The following HPD variants were observed in gnomAD, a reference collection of about 807,000 sequenced individuals.
The protein encoded by HPD is 4-hydroxyphenylpyruvic acid oxidase.
In HPD, 35 loss-of-function variants were observed where a neutral mutation model predicts 56.9. The ratio of observed to expected loss-of-function variants is 0.62; its 90% CI spans 0.47 to 0.82. The LOEUF is 0.82. Ranked by LOEUF, HPD falls within the 40% of genes least tolerant of loss-of-function variation. The pLI is 0.00. For synonymous variants in HPD, 186 were observed against 200.2 expected (o/e 0.93, Z 0.60); for missense variants, 442 against 506.8 (o/e 0.87, Z 1.23).
At chr12:121,888,595 T>C in the HPD span, 2 of 484,440 alleles carry the variant, frequency 4.1e-6, no homozygotes, top group Non-Finnish European at 7.6e-6. Flanking sequence ...TCCCCTAGCG[T>C]TGGTGTGCAA....
the HPD span, among the ~76,000 whole-genome samples, chr12:121,874,795 CT>C: frequency 6.7e-6 from 1 of 149,338 alleles, no homozygotes; most frequent in African/African-American, 2.5e-5. Context: ...TAGTTTCGCT[CT>C]TGTTACCCAG....
chr12:121,843,577 C>A (rs543401760), intron 12 of HPD, 133 bp downstream of exon 12: 193 of 987,018 alleles, frequency 2.0e-4, no homozygotes, highest in Middle Eastern at 3.0e-4. Flanking sequence ...CCCACATAGA[C>A]CCTAGAATAA....
intron 12 of HPD, among the ~76,000 whole-genome samples, chr12:121,842,105 G>A (rs1047703375): frequency 2.0e-5 from 3 of 151,962 alleles, no homozygotes; most frequent in African/African-American, 4.8e-5. Context: ...GGAGGTGCTG[G>A]CTAAGAGGCT....
At chr12:121,874,825 G>A in the HPD span, among the ~76,000 whole-genome samples, 3 of 150,446 alleles carry the variant, frequency 2.0e-5, no homozygotes, top group African/African-American at 7.3e-5. Flanking sequence ...GCAATGGCAC[G>A]ATCTCTGCCC....
chr12:121,843,821 C>T lies in HPD; in HGVS notation c.843G>A (p.Leu281=), dbSNP rs1375597352. The part of the protein sequence containing the change: ...TEDIITAIRH[L]RERGLEFLSV... ...ATAAGAACTCCAGGCCTCTCTCTCT[C>T]AAGTGGCGAATCTGTTTCAGAGCAA... The change falls in exon 12 of 14, where the codon TTG becomes TTA. Residue 281 remains leucine (L), a synonymous_variant. Coordinates refer to ENST00000289004, the MANE Select transcript of HPD (RefSeq NM_002150.3). 3 of 1,613,980 alleles carry T rather than the reference C, an allele frequency of 1.9e-6. No homozygotes were observed. In the Admixed American group the frequency reaches 5.0e-5, roughly 27 times the overall value.
Position 121,856,346 on chromosome 12 carries a change from T to C in HPD, c.302A>G (p.Glu101Gly). ...DGVKDIAFEV[E>G]DCDYIVQKAR... ...TACCTGCACGATGTAGTCACAATCT[T>C]CCACCTCGAACGCAATGTCCTTCAC... Residue 101 changes from glutamate (E) to glycine (G), a missense_variant, in exon 6 of 14, where the codon GAA becomes GGA. By Grantham distance (98) the Glu-to-Gly change is moderately conservative. Transcript: ENST00000289004. 6.2e-7 allele frequency: 1 copy of C among 1,614,068 alleles called. No homozygotes were observed. The highest frequency in any genetic ancestry group is 8.5e-7 in the Non-Finnish European group (1 of 1,179,946).
upstream of HPD, among the ~76,000 whole-genome samples, chr12:121,861,599 G>A (rs1435753434): frequency 6.6e-6 from 1 of 151,932 alleles, no homozygotes; most frequent in Non-Finnish European, 1.5e-5. Context: ...TACAGCTTCT[G>A]GAAAAAAACA....
chr12:121,877,025 C>T, the HPD span, among the ~76,000 whole-genome samples: 4 of 146,154 alleles, frequency 2.7e-5, no homozygotes, highest in Non-Finnish European at 3.0e-5. Context: ...ACCCAGGAGG[C>T]GGAGGTTGCA....
intron 11 of HPD, 40 bp downstream of exon 11, chr12:121,846,822 T>C (rs369428110): frequency 1.9e-6 from 3 of 1,598,076 alleles, no homozygotes; most frequent in Non-Finnish European, 2.6e-6. Flanking sequence ...TCCCTGGCTC[T>C]GAATGAGAGA....
chr12:121,848,752 C>A (rs1877665587), intron 9 of HPD, among the ~76,000 whole-genome samples: 1 of 152,058 alleles, frequency 6.6e-6, no homozygotes, highest in South Asian at 2.1e-4. Context: ...ATTACAGGGG[C>A]CCAACACCTC....
intron 9 of HPD, among the ~76,000 whole-genome samples, chr12:121,848,437 A>G (rs1566570238): frequency 6.6e-6 from 1 of 151,756 alleles, no homozygotes; most frequent in African/African-American, 2.4e-5. Context: ...TCAGCTTCCC[A>G]AGTAGCTGGG....
At chr12:121,851,349 TTTTA>T (rs1470578464) in intron 7 of HPD, among the ~76,000 whole-genome samples, 2 of 146,772 alleles carry the variant, frequency 1.4e-5, no homozygotes, top group African/African-American at 5.1e-5. Flanking sequence ...TTTTTAAAAT[TTTTA>T]TTTATTTATT....
At chr12:121,871,198 C>A in the HPD span, among the ~76,000 whole-genome samples, 15 of 151,212 alleles carry the variant, frequency 9.9e-5, no homozygotes. Context: ...CCCATTTCTA[C>A]AAAAAAAAAC....
chr12:121,859,380 T>C (rs1878117112), upstream of HPD, among the ~76,000 whole-genome samples: 1 of 151,938 alleles, frequency 6.6e-6, no homozygotes, highest in East Asian at 1.9e-4. Flanking sequence ...ATGAGAATAG[T>C]GTGGTGGGGA....
intron 7 of HPD, among the ~76,000 whole-genome samples, chr12:121,852,608 G>T (rs546226609): frequency 3.7e-4 from 51 of 137,754 alleles, no homozygotes; most frequent in Non-Finnish European, 6.7e-4. Flanking sequence ...ATACACAAAT[G>T]ACCTCATTGG....
intron 11 of HPD, among the ~76,000 whole-genome samples, chr12:121,845,729 G>A (rs1454790493): frequency 6.6e-6 from 1 of 151,880 alleles, no homozygotes; most frequent in African/African-American, 2.4e-5. Context: ...AATGTGCAAT[G>A]CCATTCACCC....
At chr12:121,870,439 G>T in the HPD span, among the ~76,000 whole-genome samples, 2 of 151,298 alleles carry the variant, frequency 1.3e-5, 1 homozygote, top group Non-Finnish European at 2.9e-5. Context: ...ACCAGGAGGC[G>T]GAGGTTGCAG....
chr12:121,858,742 T>A, intron 1 of HPD, 29 bp from the exon 2 acceptor site: 1 of 1,614,148 alleles, frequency 6.2e-7, no homozygotes, highest in Non-Finnish European at 8.5e-7. Flanking sequence ...ACAGTGAGAC[T>A]TGGAGGTTCC....
the HPD span, among the ~76,000 whole-genome samples, chr12:121,879,435 G>A: frequency 8.8e-4 from 130 of 147,948 alleles, 1 homozygote; most frequent in Middle Eastern, 3.5e-3. Context: ...GATGATCTGG[G>A]AATGCCCACC....
Sources: gnomAD v4.1 joint callset for allele counts (sites outside exome capture counted in the v4.1 genomes callset) on GRCh38, gnomAD v4.1.1 for gene constraint, MANE v1.5 for transcripts, NCBI Gene and HGNC (gene_info 2026-07-23, HGNC 2026-07-21) for gene names.